The following GNAZ variants were observed in gnomAD, a reference collection of about 807,000 sequenced individuals.
GNAZ encodes G protein subunit alpha z.
In GNAZ, 3 loss-of-function variants were observed where a neutral mutation model predicts 25.4. That is an observed-to-expected ratio of 0.12 (90% CI 0.05 to 0.30). The LOEUF (loss-of-function observed/expected upper bound fraction) is 0.30. GNAZ is among the 10% of genes least tolerant of loss of function. The pLI, the probability that GNAZ is intolerant of heterozygous loss-of-function variation, is 1.00. For missense variants in GNAZ, 241 were observed against 501.8 expected (o/e 0.48, Z 4.97); for synonymous variants, 211 against 205.7 (o/e 1.03, Z -0.22).
intron 2 of GNAZ, among the ~76,000 whole-genome samples, chr22:23,120,110 GC>G (rs2146393554): frequency 6.6e-6 from 1 of 152,296 alleles, no homozygotes; most frequent in Non-Finnish European, 1.5e-5. Context: ...GAGGCACCGT[GC>G]CCACCTCCAG....
At chr22:23,121,533 A>T (rs1008817212) in intron 2 of GNAZ, among the ~76,000 whole-genome samples, 4 of 152,104 alleles carry the variant, frequency 2.6e-5, no homozygotes, top group Non-Finnish European at 4.4e-5. Flanking sequence ...CAGTTTCTTC[A>T]TCTGTAAAAC....
intron 2 of GNAZ, among the ~76,000 whole-genome samples, chr22:23,107,472 G>T (rs939918582): frequency 1.3e-5 from 2 of 152,192 alleles, no homozygotes; most frequent in Non-Finnish European, 2.9e-5. Context: ...GCCTGAGAGT[G>T]TCTGAGGACA....
intron 1 of GNAZ, among the ~76,000 whole-genome samples, chr22:23,087,130 G>T (rs776893306): frequency 6.6e-5 from 10 of 152,354 alleles, no homozygotes; most frequent in Non-Finnish European, 1.2e-4. Context: ...GGGAGCTGAT[G>T]TAGGGACGGC....
chr22:23,113,551 C>T (rs1490725527), intron 2 of GNAZ, among the ~76,000 whole-genome samples: 4 of 152,336 alleles, frequency 2.6e-5, no homozygotes, highest in Middle Eastern at 3.4e-3. Context: ...GGGTTGCAAG[C>T]GAATAAGCTA....
In GNAZ at chr22:23,124,696, C is replaced by T; in HGVS notation, c.*1265C>T. 1 of 195,436 alleles carries T rather than the reference C, an allele frequency of 5.1e-6. No individual in the cohort carries two copies. Among genetic ancestry groups the T allele is most frequent in the Non-Finnish European group, 1.1e-5 (1 of 92,008 alleles). 12.1% of individuals were successfully genotyped at this position (195,436 alleles called of 1,614,324 possible). ...GCGCCTGAGACTGGCTGGAAATGCTCTGACTCCTGTGAAGGCACAGCCAGC... is the reference window on the plus strand; with the variant it reads ...GCGCCTGAGACTGGCTGGAAATGCTTTGACTCCTGTGAAGGCACAGCCAGC... On this transcript the variant is annotated 3_prime_UTR_variant, in exon 3 of 3. Transcript: ENST00000615612.
At position 23,095,569 on chromosome 22, in the gene GNAZ, C is replaced by G; in HGVS notation, c.-127C>G. ...GGGCTGCAGTGTGGCTCGGCCTCACCCCCCTGCTGGCACTGAGTGCCTCCA... is the reference window on the plus strand; with the variant it reads ...GGGCTGCAGTGTGGCTCGGCCTCACGCCCCTGCTGGCACTGAGTGCCTCCA... On this transcript the variant is annotated 5_prime_UTR_variant, in exon 2 of 3. Coordinates refer to ENST00000615612, the MANE Select transcript of GNAZ (RefSeq NM_002073.4). The G allele has an allele frequency of 2.9e-6, 3 of 1,045,774 alleles. No homozygotes were observed. The highest frequency in any genetic ancestry group is 3.3e-5 in the South Asian group (2 of 59,850). 64.8% of individuals were successfully genotyped at this position (1,045,774 alleles called of 1,614,324 possible). A position where few individuals can be genotyped will look rare whatever the true frequency, so the allele number is the denominator to read the frequency against.
intron 2 of GNAZ, among the ~76,000 whole-genome samples, chr22:23,117,555 C>A (rs2069884533): frequency 6.6e-6 from 1 of 152,226 alleles, no homozygotes; most frequent in African/African-American, 2.4e-5. Flanking sequence ...TCCGATGAGA[C>A]CTCGCAGGTG....
rs1231691438 is a variant in GNAZ, at chr22:23,096,059, C to T, written c.364C>T (p.Pro122Ser). ...GPAESKGEITPELLGVMRRLW... is the reference protein window; with the variant it reads ...GPAESKGEITSELLGVMRRLW... ...CGCTGAGAGCAAGGGCGAGATCACA[C>T]CCGAGCTGCTGGGTGTCATGCGACG... Residue 122 changes from proline to serine, a missense_variant, in exon 2 of 3, where the codon CCC (proline) becomes TCC (serine). Transcript: ENST00000615612. 6.2e-7 allele frequency: 1 copy of T among 1,607,634 alleles called. No homozygotes were observed. The highest frequency in any genetic ancestry group is 2.2e-5 in the East Asian group (1 of 44,884).
chr22:23,097,613 G>GT (rs1209998458), intron 2 of GNAZ, among the ~76,000 whole-genome samples: 5 of 152,258 alleles, frequency 3.3e-5, no homozygotes, highest in Non-Finnish European at 5.9e-5. Context: ...CGTCCACCCT[G>GT]TTCCCAGTGT....
chr22:23,073,875 T>C (rs1315725237), intron 1 of GNAZ, among the ~76,000 whole-genome samples: 2 of 151,282 alleles, frequency 1.3e-5, no homozygotes, highest in African/African-American at 4.9e-5. Flanking sequence ...GTAACACATG[T>C]TACTAAGTGC....
At chr22:23,111,095 G>GT (rs1047325488) in intron 2 of GNAZ, among the ~76,000 whole-genome samples, 1 of 152,224 alleles carries the variant, frequency 6.6e-6, no homozygotes, top group Non-Finnish European at 1.5e-5. Context: ...CGCCTTCCCT[G>GT]TGAGCGTGAG....
chr22:23,120,495 G>GC (rs2069985109), intron 2 of GNAZ, among the ~76,000 whole-genome samples: 1 of 152,092 alleles, frequency 6.6e-6, no homozygotes, highest in African/African-American at 2.4e-5. Flanking sequence ...AACTGTTTCC[G>GC]CATCAGTGAG....
At chr22:23,110,685 G>A (rs970296578) in intron 2 of GNAZ, among the ~76,000 whole-genome samples, 1 of 152,254 alleles carries the variant, frequency 6.6e-6, no homozygotes, top group Non-Finnish European at 1.5e-5. Flanking sequence ...CTGCTGTGGT[G>A]TGAGACTCTG....
chr22:23,092,837 T>TA (rs2069022137), intron 1 of GNAZ, among the ~76,000 whole-genome samples: 1 of 152,214 alleles, frequency 6.6e-6, no homozygotes. Flanking sequence ...CGCCTGGCTG[T>TA]ACCTCAGATT....
At chr22:23,094,801 G>A (rs1819027008) in intron 1 of GNAZ, among the ~76,000 whole-genome samples, 1 of 152,236 alleles carries the variant, frequency 6.6e-6, no homozygotes, top group Admixed American at 6.5e-5. Flanking sequence ...CGGGGGTAAT[G>A]AGAGTCAGGG....
At chr22:23,075,764 C>T (rs1279533271) in intron 1 of GNAZ, among the ~76,000 whole-genome samples, 2 of 152,136 alleles carry the variant, frequency 1.3e-5, no homozygotes, top group Non-Finnish European at 2.9e-5. Context: ...CATGGGGGAC[C>T]GTGGTTGTGG....
chr22:23,073,410 C>T (rs1569158817), intron 1 of GNAZ, among the ~76,000 whole-genome samples: 1 of 152,210 alleles, frequency 6.6e-6, no homozygotes, highest in Non-Finnish European at 1.5e-5. Context: ...CGTGGGAGCA[C>T]CCAGACTGTT....
intron 2 of GNAZ, among the ~76,000 whole-genome samples, chr22:23,104,896 G>A (rs1345079078): frequency 6.6e-6 from 1 of 152,204 alleles, no homozygotes; most frequent in Non-Finnish European, 1.5e-5. Flanking sequence ...CATGGCCCTG[G>A]GCATCTCAGG....
intron 1 of GNAZ, among the ~76,000 whole-genome samples, chr22:23,081,183 T>C (rs1486056650): frequency 6.6e-6 from 1 of 152,004 alleles, no homozygotes; most frequent in Non-Finnish European, 1.5e-5. Context: ...GGACAAGGAG[T>C]ATAACAGCCT....
Sources: gnomAD v4.1 joint callset for allele counts (sites outside exome capture counted in the v4.1 genomes callset) on GRCh38, gnomAD v4.1.1 for gene constraint, MANE v1.5 for transcripts, NCBI Gene and HGNC (gene_info 2026-07-23, HGNC 2026-07-21) for gene names.